Variants in BLTP2 observed in about 807,000 individuals in gnomAD.
BLTP2 encodes the protein U937-associated antigen.
At chr17:28,629,379 C>A in the BLTP2 span, among the ~76,000 whole-genome samples, 4 of 152,172 alleles carry the variant, frequency 2.6e-5, 1 homozygote, top group South Asian at 4.1e-4. Flanking sequence ...CAACCTCTGC[C>A]TCCCAGGTTC....
At chr17:28,623,617 G>A in the BLTP2 span, 2 of 669,616 alleles carry the variant, frequency 3.0e-6, no homozygotes, top group South Asian at 3.9e-5. Context: ...TTCCAGACCA[G>A]AGATTGCCCA....
chr17:28,624,218 G>A, the BLTP2 span: 1 of 1,611,226 alleles, frequency 6.2e-7, no homozygotes, highest in Non-Finnish European at 8.5e-7. Flanking sequence ...GAGGTAACTT[G>A]TAAAGAGAAG....
the BLTP2 span, among the ~76,000 whole-genome samples, chr17:28,619,468 TA>T: frequency 2.2e-3 from 308 of 139,828 alleles, no homozygotes; most frequent in Admixed American, 2.6e-3. Context: ...ACTTTGTCTC[TA>T]AAAAAAAAAA....
chr17:28,636,856 T>A, the BLTP2 span: 9 of 877,344 alleles, frequency 1.0e-5, no homozygotes, highest in Admixed American at 4.8e-5. Flanking sequence ...CTGGGCAACA[T>A]GTGACACTCT....
At chr17:28,640,093 T>C in the BLTP2 span, 56 of 1,571,206 alleles carry the variant, frequency 3.6e-5, no homozygotes, top group Middle Eastern at 2.3e-4. Flanking sequence ...ACTTTTATTT[T>C]TTAAAAGTAA....
chr17:28,625,956 G>C, the BLTP2 span, among the ~76,000 whole-genome samples: 2 of 152,128 alleles, frequency 1.3e-5, no homozygotes, highest in African/African-American at 2.4e-5. Context: ...GTAGAGACAG[G>C]GTTTCACCAT....
At chr17:28,639,373 G>A in the BLTP2 span, 29 of 1,613,940 alleles carry the variant, frequency 1.8e-5, no homozygotes, top group Non-Finnish European at 2.5e-5. Flanking sequence ...AGTGCTAGCA[G>A]GTGCAGCCAG....
At chr17:28,636,923 G>A in the BLTP2 span, 1 of 1,541,842 alleles carries the variant, frequency 6.5e-7, no homozygotes, top group Non-Finnish European at 9.0e-7. Context: ...TCTAAGCTGA[G>A]GAAAAAACCA....
At chr17:28,621,054 T>C in the BLTP2 span, 3 of 1,614,196 alleles carry the variant, frequency 1.9e-6, no homozygotes, top group East Asian at 4.5e-5. Flanking sequence ...TTAATCTGAG[T>C]TGCTAGTTCA....
the BLTP2 span, among the ~76,000 whole-genome samples, chr17:28,617,787 T>A: frequency 6.6e-6 from 1 of 152,146 alleles, no homozygotes; most frequent in Non-Finnish European, 1.5e-5. Flanking sequence ...TGAGACAGGG[T>A]CTCACTCTGT....
chr17:28,638,477 T>G, the BLTP2 span: 1 of 1,598,762 alleles, frequency 6.3e-7, no homozygotes, highest in Non-Finnish European at 8.6e-7. Flanking sequence ...TGGGCCTAGC[T>G]CCACTAACGG....
At chr17:28,628,613 CAGAGGCAGTGA>C in the BLTP2 span, 2 of 1,471,652 alleles carry the variant, frequency 1.4e-6, no homozygotes, top group Non-Finnish European at 1.9e-6. Flanking sequence ...CCCAGTGCCA[CAGAGGCAGTGA>C]TAAAAGTTTG....
chr17:28,620,245 A>T, the BLTP2 span, among the ~76,000 whole-genome samples: 196 of 152,310 alleles, frequency 1.3e-3, no homozygotes, highest in Non-Finnish European at 2.2e-3. Context: ...GGGAATAGTA[A>T]ATGTTTTTAG....
the BLTP2 span, chr17:28,624,008 T>C: frequency 2.6e-6 from 4 of 1,567,200 alleles, no homozygotes; most frequent in African/African-American, 2.7e-5. Flanking sequence ...CCAAGGACGA[T>C]GAGGTTAGTG....
chr17:28,642,023 C>G, the BLTP2 span: 5 of 1,614,198 alleles, frequency 3.1e-6, no homozygotes, highest in Non-Finnish European at 4.2e-6. Context: ...ACTGCTAATG[C>G]CCACCTTTAG....
chr17:28,621,787 G>A, the BLTP2 span, among the ~76,000 whole-genome samples: 1 of 151,908 alleles, frequency 6.6e-6, no homozygotes, highest in Non-Finnish European at 1.5e-5. Flanking sequence ...TCATGTCATG[G>A]GCAAAATATC....
the BLTP2 span, chr17:28,642,385 C>G: frequency 6.6e-7 from 1 of 1,521,952 alleles, no homozygotes; most frequent in Non-Finnish European, 9.1e-7. Flanking sequence ...GGCGCGGTGG[C>G]TCACGCCTGT....
chr17:28,641,542 A>C, the BLTP2 span, among the ~76,000 whole-genome samples: 4 of 152,216 alleles, frequency 2.6e-5, no homozygotes, highest in African/African-American at 9.6e-5. Flanking sequence ...CAGGAGGCTG[A>C]GGCAGGAGAA....
the BLTP2 span, chr17:28,635,414 G>T: frequency 2.4e-5 from 38 of 1,614,038 alleles, no homozygotes; most frequent in African/African-American, 3.2e-4. Flanking sequence ...AGCCGCTTTG[G>T]GGGTAATGGC....
Sources: gnomAD v4.1 joint callset for allele counts (sites outside exome capture counted in the v4.1 genomes callset) on GRCh38, gnomAD v4.1.1 for gene constraint, MANE v1.5 for transcripts, NCBI Gene and HGNC (gene_info 2026-07-23, HGNC 2026-07-21) for gene names.